Variants in LYNX1 observed in about 807,000 individuals in gnomAD.
The protein encoded by LYNX1 is Ly6/neurotoxin 1, also known as ly-6/neurotoxin-like protein 1.
LYNX1 carries 8 observed loss-of-function variants against 8.3 expected under a neutral mutation model. The ratio of observed to expected loss-of-function variants is 0.97; its 90% CI spans 0.57 to 1.74. The LOEUF (loss-of-function observed/expected upper bound fraction) is 1.74, where lower values mean the gene tolerates loss of function less well. Among genes scored for constraint, LYNX1 ranks in the 40% most tolerant of loss-of-function variants. The pLI is 0.00. For missense variants in LYNX1, 158 were observed against 159.7 expected, an observed-to-expected ratio of 0.99 and a Z score of 0.06; for synonymous variants, 73 against 67.9, an observed-to-expected ratio of 1.08 and a Z score of -0.37.
In LYNX1 at chr8:142,774,499, A is replaced by G; in HGVS notation, c.*668T>C. The G allele has an allele frequency of 2.0e-6, 2 of 985,666 alleles. No homozygotes were observed. Among genetic ancestry groups the G allele is most frequent in the Non-Finnish European group, 2.4e-6 (2 of 830,132 alleles). 61.1% of individuals were successfully genotyped at this position (985,666 alleles called of 1,614,324 possible). A position where few individuals can be genotyped will look rare whatever the true frequency, so the allele number is the denominator to read the frequency against. On this transcript the variant is annotated 3_prime_UTR_variant, in exon 4 of 4. Transcript: ENST00000652477. ...AACGTCAAGGGGTTTGACTGAGAGG[A>G]CACACACCCCTTGCTGGACCCGAAA...
chr8:142,771,881 CCAGAGCT>C lies in LYNX1; in HGVS notation c.*3279_*3285del. On this transcript the variant is annotated 3_prime_UTR_variant, in exon 4 of 4. Coordinates refer to ENST00000652477, the MANE Select transcript of LYNX1 (RefSeq NM_177477.4). ...CTGCCCCCAAAGACCCCAGGACAGA[CCAGAGCT>C]CCTGCTGGAGCCGGGTGTCCCCATG... is the stretch of plus-strand genomic sequence containing the variant. 9.1e-6 allele frequency: 9 copies of C among 985,934 alleles called. No homozygotes were observed. The African/African-American group carries it at 1.6e-4, about 17-fold the overall frequency. The allele number at this position is 985,934 out of a possible 1,614,324, so 61.1% of individuals were successfully genotyped here. A position where few individuals can be genotyped will look rare whatever the true frequency, so the allele number is the denominator to read the frequency against.
Position 142,772,298 on chromosome 8 carries a change from G to A in LYNX1, c.*2869C>T, listed in dbSNP as rs1815216583. On this transcript the variant is annotated 3_prime_UTR_variant, in exon 4 of 4. Coordinates refer to ENST00000652477, the MANE Select transcript of LYNX1 (RefSeq NM_177477.4). ...CCCGAAGTGGGAACTGGGCCCCCAT[G>A]GTGCCCAGTGCCTCTCCCCCTCTCC... 1 of 985,720 alleles carries A rather than the reference G, an allele frequency of 1.0e-6. No homozygotes were observed. Among genetic ancestry groups the A allele is most frequent in the Non-Finnish European group, 1.2e-6 (1 of 830,026 alleles). The allele number at this position is 985,720 out of a possible 1,614,324, so 61.1% of individuals were successfully genotyped here. A position where few individuals can be genotyped will look rare whatever the true frequency, so the allele number is the denominator to read the frequency against.
chr8:142,776,552 T>C (rs983195789), intron 1 of LYNX1: 3 of 160,960 alleles, frequency 1.9e-5, no homozygotes, highest in Non-Finnish European at 2.8e-5. Context: ...GCCCAAAAGC[T>C]GGGTCTCTTC....
Position 142,773,992 on chromosome 8 carries a change from C to T in LYNX1, c.*1175G>A, listed in dbSNP as rs1349084976. 1 of 985,268 alleles carries T rather than the reference C, an allele frequency of 1.0e-6. No individual in the cohort carries two copies. The highest frequency in any genetic ancestry group is 1.1e-4 in the East Asian group (1 of 8,810). The allele number at this position is 985,268 out of a possible 1,614,324, so 61.0% of individuals were successfully genotyped here. ...GGATTGGTGCGTGTTGGGCTGACCC[C>T]TGCTTCCCAGGCCTGGGGTGGGGTC... On this transcript the variant is annotated 3_prime_UTR_variant, in exon 4 of 4. Transcript: ENST00000652477.
Position 142,773,445 on chromosome 8 carries a change from G to C in LYNX1, c.*1722C>G, listed in dbSNP as rs992304707. The C allele has an allele frequency of 1.0e-6, 1 of 985,384 alleles. No individual in the cohort carries two copies. The highest frequency in any genetic ancestry group is 1.2e-6 in the Non-Finnish European group (1 of 830,020). The allele number at this position is 985,384 out of a possible 1,614,324, so 61.0% of individuals were successfully genotyped here. ...CAGTATGATGCCCATCTTCCCTCTG[G>C]GGAGTCACGTTCCTCCCGCTCCGGG... On this transcript the variant is annotated 3_prime_UTR_variant, in exon 4 of 4. Coordinates refer to ENST00000652477, the MANE Select transcript of LYNX1 (RefSeq NM_177477.4).
Position 142,775,694 on chromosome 8 carries a change from G to C in LYNX1, c.53C>G (p.Ala18Gly), listed in dbSNP as rs774458334. ...ILVVLMGLPL[A>G]QALDCHVCAY... ...ACACACGTGGCAGTCCAAGGCCTGG[G>C]CTGGGGTTGGCAGATGGGCGGGAAG... Residue 18 changes from alanine to glycine, a missense_variant and splice_region_variant, in exon 3 of 4, where the codon GCC becomes GGC. Transcript: ENST00000652477. The C allele has an allele frequency of 6.3e-7, 1 of 1,591,900 alleles. No individual in the cohort carries two copies. The highest frequency in any genetic ancestry group is 1.7e-4 in the Middle Eastern group (1 of 6,038).
rs1369513074 is a variant in LYNX1 at position 142,774,189 on chromosome 8, C to T, written c.*978G>A. 29 of 984,078 alleles carry T rather than the reference C, an allele frequency of 2.9e-5. No individual in the cohort carries two copies. Among genetic ancestry groups the T allele is most frequent in the South Asian group, 1.9e-4 (4 of 21,228 alleles). 61.0% of individuals were successfully genotyped at this position (984,078 alleles called of 1,614,324 possible). ...CCCCACTCCCGCCCCCGCACGGCCA[C>T]GAGAGGGTGGCATGCTCCGCCTTCC... On this transcript the variant is annotated 3_prime_UTR_variant, in exon 4 of 4. Transcript: ENST00000652477.
In LYNX1 at chr8:142,773,035, C is replaced by T. The variant is rs942610049; in HGVS notation, c.*2132G>A. 4.3e-4 allele frequency: 422 copies of T among 985,524 alleles called. No individual in the cohort carries two copies. The highest frequency in any genetic ancestry group is 5.0e-4 in the Non-Finnish European group (414 of 830,002). The allele number at this position is 985,524 out of a possible 1,614,324, so 61.0% of individuals were successfully genotyped here. On this transcript the variant is annotated 3_prime_UTR_variant, in exon 4 of 4. Transcript: ENST00000652477. ...TCCTCCCCATCACCCCACTGAGACT[C>T]GAGACAGGGAGGACCTGATCCTGGA...
rs1230905629 is a variant in LYNX1 at position 142,774,896 on chromosome 8, C to T, written c.*271G>A. 2.2e-6 allele frequency: 3 copies of T among 1,354,568 alleles called. No homozygotes were observed. Among genetic ancestry groups the T allele is most frequent in the Non-Finnish European group, 2.8e-6 (3 of 1,053,898 alleles). 83.9% of individuals were successfully genotyped at this position (1,354,568 alleles called of 1,614,324 possible). A position where few individuals can be genotyped will look rare whatever the true frequency, so the allele number is the denominator to read the frequency against. ...TGCTCCCTGCCTGACTGGGCCCCTC[C>T]CCATAAATAGCCCTGGACAGGCGAG... is the stretch of plus-strand genomic sequence containing the variant. On this transcript the variant is annotated 3_prime_UTR_variant, in exon 4 of 4. Coordinates refer to ENST00000652477, the MANE Select transcript of LYNX1 (RefSeq NM_177477.4).
rs773232773 is a variant in LYNX1, at chr8:142,773,858, G to T, written c.*1309C>A. On this transcript the variant is annotated 3_prime_UTR_variant, in exon 4 of 4. Transcript: ENST00000652477. ...ACACCAGAGCTGGGAGCACTGGTCAGGTGGGGGCCTCAGGTGCAGCGTGAC... is the reference window on the plus strand; with the variant it reads ...ACACCAGAGCTGGGAGCACTGGTCATGTGGGGGCCTCAGGTGCAGCGTGAC... The T allele has an allele frequency of 5.1e-6, 5 of 985,408 alleles. No individual in the cohort carries two copies. The highest frequency in any genetic ancestry group is 6.0e-6 in the Non-Finnish European group (5 of 829,920). 61.0% of individuals were successfully genotyped at this position (985,408 alleles called of 1,614,324 possible).
chr8:142,775,497 G>A, intron 3 of LYNX1, 96 bp downstream of exon 3: 1 of 1,556,574 alleles, frequency 6.4e-7, no homozygotes, highest in Non-Finnish European at 8.7e-7. Flanking sequence ...GGGAACAGGA[G>A]AGCCTCCTTC....
intron 3 of LYNX1, 107 bp downstream of exon 3, chr8:142,775,486 C>A: frequency 6.4e-7 from 1 of 1,557,628 alleles, no homozygotes; most frequent in Non-Finnish European, 8.7e-7. Context: ...AGACAGGATC[C>A]GGGAACAGGA....
At position 142,771,488 on chromosome 8, in the gene LYNX1, G is replaced by A; in HGVS notation, c.*3679C>T. 3.0e-6 allele frequency: 3 copies of A among 985,508 alleles called. No individual in the cohort carries two copies. The highest frequency in any genetic ancestry group is 3.6e-6 in the Non-Finnish European group (3 of 829,988). 61.0% of individuals were successfully genotyped at this position (985,508 alleles called of 1,614,324 possible). ...CTGTCCACAGGGAGGACCCCCGTGTGTCTCTCGGGCTGCCCAGGTGGCTCT... is the reference window on the plus strand; with the variant it reads ...CTGTCCACAGGGAGGACCCCCGTGTATCTCTCGGGCTGCCCAGGTGGCTCT... On this transcript the variant is annotated 3_prime_UTR_variant, in exon 4 of 4. Coordinates refer to ENST00000652477, the MANE Select transcript of LYNX1 (RefSeq NM_177477.4).
chr8:142,775,882 C>A (rs1350545325), intron 2 of LYNX1, 24 bp downstream of exon 2: 1 of 1,613,930 alleles, frequency 6.2e-7, no homozygotes, highest in Non-Finnish European at 8.5e-7. Flanking sequence ...GTCTGCCCAT[C>A]CCTCTGTCCT....
rs1053823701 is a variant in LYNX1, at chr8:142,771,289, G to A, written c.*3878C>T. Reference sequence around the variant, plus strand: ...GTTAGGGCAAGCATTAGCAGCAGGGGCATGGCCCTGGGAAGCACCTGGACC... The same window carrying A: ...GTTAGGGCAAGCATTAGCAGCAGGGACATGGCCCTGGGAAGCACCTGGACC... On this transcript the variant is annotated 3_prime_UTR_variant, in exon 4 of 4. Coordinates refer to ENST00000652477, the MANE Select transcript of LYNX1 (RefSeq NM_177477.4). 58 of 985,406 alleles carry A rather than the reference G, an allele frequency of 5.9e-5. No homozygotes were observed. The highest frequency in any genetic ancestry group is 6.5e-5 in the Non-Finnish European group (54 of 829,998). The allele number at this position is 985,406 out of a possible 1,614,324, so 61.0% of individuals were successfully genotyped here.
Position 142,773,522 on chromosome 8 carries a change from G to T in LYNX1, c.*1645C>A, listed in dbSNP as rs60603045. On this transcript the variant is annotated 3_prime_UTR_variant, in exon 4 of 4. Coordinates refer to ENST00000652477, the MANE Select transcript of LYNX1 (RefSeq NM_177477.4). ...AGAAGACTGGCACTGTCCTCCTCCA[G>T]CGGGAACTGGGTGTGCCCTCAGCAA... is the stretch of plus-strand genomic sequence containing the variant. The T allele has an allele frequency of 3.9e-3, 3,828 of 985,480 alleles. 107 individuals are homozygous for T. In the African/African-American group the frequency reaches 0.06, roughly 15 times the overall value. 61.0% of individuals were successfully genotyped at this position (985,480 alleles called of 1,614,324 possible).
chr8:142,776,019 A>C lies in LYNX1; in HGVS notation c.-62T>G. On this transcript the variant is annotated 5_prime_UTR_variant, in exon 2 of 4. Transcript: ENST00000652477. ...TCAACAGCAGCTAGCCCTGGATCCA[A>C]CTCAGGGGTGGCGCACAGAGGATCC... 1 of 1,591,182 alleles carries C rather than the reference A, an allele frequency of 6.3e-7. No homozygotes were observed. Among genetic ancestry groups the C allele is most frequent in the Non-Finnish European group, 8.6e-7 (1 of 1,163,640 alleles).
In LYNX1 at chr8:142,775,076, A is replaced by G. The variant is rs1211873683; in HGVS notation, c.*91T>C. 12 of 1,503,686 alleles carry G rather than the reference A, an allele frequency of 8.0e-6. No individual in the cohort carries two copies. The highest frequency in any genetic ancestry group is 1.1e-5 in the Non-Finnish European group (12 of 1,128,510). 93.1% of individuals were successfully genotyped at this position (1,503,686 alleles called of 1,614,324 possible). A position where few individuals can be genotyped will look rare whatever the true frequency, so the allele number is the denominator to read the frequency against. ...GGGCATGGCTGAGGAGGTCGCAGGG[A>G]GTGTGGAGGGTGAGGCAGGGTGAGC... On this transcript the variant is annotated 3_prime_UTR_variant, in exon 4 of 4. Coordinates refer to ENST00000652477, the MANE Select transcript of LYNX1 (RefSeq NM_177477.4).
Position 142,773,097 on chromosome 8 carries a change from C to T in LYNX1, c.*2070G>A, listed in dbSNP as rs587610490. The T allele has an allele frequency of 2.3e-4, 222 of 985,510 alleles. 2 individuals carry two copies. In the African/African-American group the frequency reaches 3.6e-3, roughly 16 times the overall value. The allele number at this position is 985,510 out of a possible 1,614,324, so 61.0% of individuals were successfully genotyped here. On this transcript the variant is annotated 3_prime_UTR_variant, in exon 4 of 4. Transcript: ENST00000652477. The stretch of plus-strand genomic sequence containing the variant: ...CCCTGGCTGAGGAAGCCACCCAACC[C>T]GACAATGGGCTTGCGCAAGCCGCGC...
Sources: allele counts gnomAD v4.1 joint callset, GRCh38; gene constraint gnomAD v4.1.1; transcripts MANE v1.5; gene names NCBI Gene and HGNC (gene_info 2026-07-23, HGNC 2026-07-21).